The following SYNDIG1 variants were observed in gnomAD, a reference collection of about 807,000 sequenced individuals.
The protein encoded by SYNDIG1 is synapse differentiation inducing 1, also known as synapse differentiation-inducing gene protein 1.
SYNDIG1 carries 9 observed loss-of-function variants against 19.4 expected under a neutral mutation model. The ratio of observed to expected loss-of-function variants is 0.46; its 90% CI spans 0.28 to 0.81. SYNDIG1 has a LOEUF of 0.81. SYNDIG1 is among the 30% of genes least tolerant of loss of function. The probability of loss-of-function intolerance (pLI) is 0.12; values close to 1 mark genes in which losing one functional copy is unlikely to be tolerated. For synonymous variants in SYNDIG1, 141 were observed against 145.9 expected (o/e 0.97, Z 0.24); for missense variants, 311 against 343.3 (o/e 0.91, Z 0.74).
intron 3 of SYNDIG1, among the ~76,000 whole-genome samples, chr20:24,633,833 C>G (rs2059284362): frequency 6.6e-6 from 1 of 152,130 alleles, no homozygotes. Context: ...GCCCCAGCAC[C>G]TAGGGGAGGC....
rs1471613683 is a variant in SYNDIG1, at chr20:24,658,779, C to A, written c.619-6567C>A. ...CCACAGGCTCTTCTCCCAGCGGGGT[C>A]GTCTGCCTCGTTTTCTCCCAGATCC... On this transcript the variant is annotated intron_variant, in intron 3 of 3. Coordinates refer to ENST00000376862, the MANE Select transcript of SYNDIG1 (RefSeq NM_024893.3). This position sits in a 1 kb window ranked among gnomAD's most constrained non-coding sequence, Gnocchi z 4.4. 5.9e-5 allele frequency among the ~76,000 whole-genome samples: 9 copies of A among 152,274 alleles called. 1 individual carries two copies. The South Asian group carries it at 1.7e-3, about 28-fold the overall frequency.
intron 2 of SYNDIG1, among the ~76,000 whole-genome samples, chr20:24,584,433 C>T (rs2058378998): frequency 6.6e-6 from 1 of 152,212 alleles, no homozygotes; most frequent in South Asian, 2.1e-4. Context: ...TCAGAACACA[C>T]CGACAGTGCA....
At chr20:24,473,464 C>T (rs1016650802) in intron 1 of SYNDIG1, among the ~76,000 whole-genome samples, 1 of 152,198 alleles carries the variant, frequency 6.6e-6, no homozygotes, top group Non-Finnish European at 1.5e-5. Flanking sequence ...ATTCTCTGTG[C>T]AAGATGCCCA....
chr20:24,500,479 TTTCTTTCTTTCTTTC>T (rs1347980802), intron 1 of SYNDIG1, among the ~76,000 whole-genome samples: 6 of 6,610 alleles, frequency 9.1e-4, no homozygotes, highest in Non-Finnish European at 5.1e-3. Flanking sequence ...GATTCTTTTC[TTTCTTTCTTTCTTTC>T]TTTCTTTCTT....
chr20:24,553,338 G>C (rs1379643170), intron 2 of SYNDIG1, among the ~76,000 whole-genome samples: 1 of 152,114 alleles, frequency 6.6e-6, no homozygotes, highest in African/African-American at 2.4e-5. Flanking sequence ...GTCAATTTTG[G>C]ATTTTGTTGC....
chr20:24,599,551 T>C (rs911878955), intron 3 of SYNDIG1, among the ~76,000 whole-genome samples: 1 of 152,180 alleles, frequency 6.6e-6, no homozygotes, highest in African/African-American at 2.4e-5. Context: ...ACTGAAGCAT[T>C]GTTCACAATG....
At chr20:24,585,137 T>G in intron 3 of SYNDIG1, 144 bp downstream of exon 3, 1 of 1,139,016 alleles carries the variant, frequency 8.8e-7, no homozygotes, top group Non-Finnish European at 1.2e-6. Context: ...AGTTGGAGGA[T>G]AGGCTGGGAG....
At chr20:24,579,042 A>G (rs952249759) in intron 2 of SYNDIG1, among the ~76,000 whole-genome samples, 1 of 152,254 alleles carries the variant, frequency 6.6e-6, no homozygotes, top group Non-Finnish European at 1.5e-5. Flanking sequence ...TTTAATCAAC[A>G]TATAAATGTT....
At chr20:24,607,366 A>G (rs1464336829) in intron 3 of SYNDIG1, among the ~76,000 whole-genome samples, 1 of 151,438 alleles carries the variant, frequency 6.6e-6, no homozygotes, top group Non-Finnish European at 1.5e-5. Flanking sequence ...GTCTCAAAAA[A>G]AAAAAAAAAA....
chr20:24,478,708 C>T (rs1436679810), intron 1 of SYNDIG1, among the ~76,000 whole-genome samples: 1 of 152,148 alleles, frequency 6.6e-6, no homozygotes, highest in Non-Finnish European at 1.5e-5. Flanking sequence ...TCAGTGGTTT[C>T]CTGGGAGGAG....
At chr20:24,644,423 T>C (rs1021993225) in intron 3 of SYNDIG1, among the ~76,000 whole-genome samples, 5 of 152,252 alleles carry the variant, frequency 3.3e-5, no homozygotes, top group African/African-American at 1.2e-4. Context: ...CTTGACTTAG[T>C]GCTTTGCATA....
chr20:24,587,412 G>A (rs2058434812), intron 3 of SYNDIG1, among the ~76,000 whole-genome samples: 1 of 152,198 alleles, frequency 6.6e-6, no homozygotes, highest in Non-Finnish European at 1.5e-5. Context: ...TCAGTCTGCA[G>A]TGGTGGTTCC....
intron 2 of SYNDIG1, among the ~76,000 whole-genome samples, chr20:24,580,910 G>A (rs970393599): frequency 1.3e-5 from 2 of 152,198 alleles, no homozygotes; most frequent in African/African-American, 2.4e-5. Flanking sequence ...GGAAGGCAAT[G>A]CCTCCAAGTG....
At position 24,626,790 on chromosome 20, in the gene SYNDIG1, A is replaced by G. The variant is rs796350289; in HGVS notation, c.619-38556A>G. 1.5e-3 allele frequency among the ~76,000 whole-genome samples: 222 copies of G among 152,350 alleles called. No individual in the cohort carries two copies. In the South Asian group the frequency reaches 0.022, roughly 15 times the overall value. On this transcript the variant is annotated intron_variant, in intron 3 of 3. Coordinates refer to ENST00000376862, the MANE Select transcript of SYNDIG1 (RefSeq NM_024893.3). ...CTGCACTCCAGCCTGGGCACCATTG[A>G]GCACTGAGTTAACGAGACTCCGTCT... is the stretch of plus-strand genomic sequence containing the variant.
At chr20:24,506,794 C>T (rs527898380) in intron 1 of SYNDIG1, among the ~76,000 whole-genome samples, 22 of 152,268 alleles carry the variant, frequency 1.4e-4, no homozygotes, top group African/African-American at 4.6e-4. Flanking sequence ...AGTCCCACAT[C>T]GGTTCCCAAA....
chr20:24,665,301 C>T (rs762821878), intron 3 of SYNDIG1, 45 bp from the exon 4 acceptor site: 2 of 1,566,338 alleles, frequency 1.3e-6, no homozygotes, highest in Admixed American at 2.0e-5. Flanking sequence ...ACTGCTTGTT[C>T]CGACTTGCTT....
At chr20:24,622,687 T>C (rs1307174699) in intron 3 of SYNDIG1, among the ~76,000 whole-genome samples, 1 of 152,130 alleles carries the variant, frequency 6.6e-6, no homozygotes, top group Admixed American at 6.5e-5. Context: ...CGTGGAAAAA[T>C]TGTTTTCCAT....
intron 3 of SYNDIG1, among the ~76,000 whole-genome samples, chr20:24,626,003 C>G (rs1600778370): frequency 6.7e-6 from 1 of 149,688 alleles, no homozygotes; most frequent in African/African-American, 2.5e-5. Context: ...CTGGCCCCCC[C>G]ACCTCCCTCC....
At chr20:24,485,029 T>C in intron 1 of SYNDIG1, among the ~76,000 whole-genome samples, 1 of 152,240 alleles carries the variant, frequency 6.6e-6, no homozygotes, top group South Asian at 2.1e-4. Context: ...GGTTCCTCCT[T>C]CTGTTTGGTC....
Sources: allele counts gnomAD v4.1 joint callset (sites outside exome capture counted in the v4.1 genomes callset), GRCh38; gene constraint gnomAD v4.1.1; non-coding constraint Gnocchi (gnomAD v3.1); transcripts MANE v1.5; gene names NCBI Gene and HGNC (gene_info 2026-07-23, HGNC 2026-07-21).